Variants in MED15 observed in about 807,000 individuals in gnomAD.
The protein encoded by MED15 is mediator of RNA polymerase II transcription subunit 15.
Under a neutral mutation model 118.7 loss-of-function variants are expected in MED15, and 41 were observed. The ratio of observed to expected loss-of-function variants is 0.35; its 90% CI spans 0.27 to 0.45. MED15 has a LOEUF of 0.45. Ranked by LOEUF, MED15 falls within the 20% of genes least tolerant of loss-of-function variation. The pLI is 1.00. For missense variants in MED15, 740 were observed against 1,025.5 expected (o/e 0.72, Z 3.80); for synonymous variants, 436 against 413.9 (o/e 1.05, Z -0.65).
intron 1 of MED15, chr22:20,508,584 G>T (rs1039562794): frequency 5.2e-5 from 20 of 381,578 alleles, no homozygotes; most frequent in African/African-American, 4.0e-4. Context: ...TCTCTGGTGG[G>T]CAGGGATGGA....
intron 9 of MED15, among the ~76,000 whole-genome samples, chr22:20,576,538 C>A (rs1324905340): frequency 1.3e-5 from 2 of 152,270 alleles, no homozygotes; most frequent in Admixed American, 6.5e-5. Flanking sequence ...CCTGGGTTAC[C>A]CCAGATGTGC....
rs5844430 is a variant in MED15, at chr22:20,587,036, CAG to C, written c.*333_*334del. ...CATCTCAGCAGCGTGAGGGTGCACT[CAG>C]GGTGTTGTTAGAGCGTCTCGTGTGT... On this transcript the variant is annotated 3_prime_UTR_variant, in exon 18 of 18. Transcript: ENST00000263205. The C allele has an allele frequency of 4.2e-3, 1,686 of 397,634 alleles. 26 individuals carry two copies. Among genetic ancestry groups the C allele is most frequent in the African/African-American group, 0.029 (1,458 of 50,498 alleles). The allele number at this position is 397,634 out of a possible 1,614,324, so 24.6% of individuals were successfully genotyped here.
In MED15 at chr22:20,546,642, G is replaced by A. The variant is rs573035397; in HGVS notation, c.157-4794G>A. Among the ~76,000 whole-genome samples, 201 of 151,904 alleles carry A rather than the reference G, an allele frequency of 1.3e-3. 1 individual carries two copies. The highest frequency in any genetic ancestry group is 4.5e-3 in the African/African-American group (187 of 41,420). On this transcript the variant is annotated intron_variant, in intron 2 of 17. Coordinates refer to ENST00000263205, the MANE Select transcript of MED15 (RefSeq NM_001003891.3). ...TTCCAGTCTAAGGAGTCCCCCCAAG[G>A]GCCACAGATGGGTTCTCTTTGAGTG...
chr22:20,526,084 T>C (rs1200935466), intron 1 of MED15, among the ~76,000 whole-genome samples: 1 of 151,966 alleles, frequency 6.6e-6, no homozygotes, highest in South Asian at 2.1e-4. Context: ...TATGACTGGC[T>C]AAGTTTTTGT....
intron 5 of MED15, among the ~76,000 whole-genome samples, chr22:20,557,444 C>T (rs2056060808): frequency 1.3e-5 from 2 of 152,148 alleles, no homozygotes; most frequent in Admixed American, 6.5e-5. Flanking sequence ...CCTGGTTCTT[C>T]GTCCCAAGCT....
chr22:20,564,832 C>T, intron 6 of MED15, 144 bp downstream of exon 6: 1 of 1,410,776 alleles, frequency 7.1e-7, no homozygotes, highest in South Asian at 1.4e-5. Flanking sequence ...ATGGGCTTCT[C>T]AAAAAGTCTG....
At chr22:20,583,294 G>C (rs764941127) in intron 12 of MED15, 36 bp from the exon 13 acceptor site, 1 of 1,613,588 alleles carries the variant, frequency 6.2e-7, no homozygotes, top group Non-Finnish European at 8.5e-7. Context: ...GACACCACCA[G>C]GCTTGTGTCT....
At chr22:20,518,906 G>A (rs1268054176) in intron 1 of MED15, 1 of 452,742 alleles carries the variant, frequency 2.2e-6, no homozygotes, top group Non-Finnish European at 4.4e-6. Context: ...AGGCTGAAGT[G>A]CAGTGGCGTG....
chr22:20,552,142 C>T (rs1024988203), intron 3 of MED15, among the ~76,000 whole-genome samples: 7 of 152,294 alleles, frequency 4.6e-5, no homozygotes, highest in East Asian at 3.9e-4. Context: ...CCACAGCCTG[C>T]GAAGGAAACT....
chr22:20,584,190 G>T, intron 13 of MED15, 169 bp from the exon 14 acceptor site: 1 of 659,574 alleles, frequency 1.5e-6, no homozygotes, highest in Non-Finnish European at 2.7e-6. Context: ...GCAGCTCCTG[G>T]GGTTGAGGGC....
intron 8 of MED15, chr22:20,574,636 T>TGCTGTGA (rs2146637670): frequency 6.5e-6 from 1 of 154,252 alleles, no homozygotes; most frequent in African/African-American, 2.4e-5. Context: ...GAAGGAGGGA[T>TGCTGTGA]GCTGTGAGCA....
At chr22:20,568,705 G>A in intron 8 of MED15, 74 bp downstream of exon 8, 1 of 1,556,430 alleles carries the variant, frequency 6.4e-7, no homozygotes, top group Non-Finnish European at 8.7e-7. Context: ...GTGCTACAGT[G>A]AGGGTTCTGG....
At chr22:20,564,789 G>C (rs2056375702) in intron 6 of MED15, 101 bp downstream of exon 6, 2 of 1,560,512 alleles carry the variant, frequency 1.3e-6, no homozygotes, top group East Asian at 4.5e-5. Flanking sequence ...AGCCAGCCGA[G>C]GGTTCTCTTG....
intron 2 of MED15, among the ~76,000 whole-genome samples, chr22:20,540,273 G>T (rs1033798650): frequency 1.4e-4 from 22 of 152,328 alleles, no homozygotes; most frequent in African/African-American, 5.3e-4. Context: ...GAAGATGACA[G>T]TGTAGGCAGC....
chr22:20,551,641 A>G (rs756031725), intron 3 of MED15, 154 bp downstream of exon 3: 2 of 730,864 alleles, frequency 2.7e-6, no homozygotes, highest in Non-Finnish European at 4.8e-6. Flanking sequence ...ACTGCCTTGC[A>G]TTTGACTCCA....
rs1354178879 is a variant in MED15 at position 20,507,915 on chromosome 22, C to T, written c.68+169C>T. 11 of 1,453,268 alleles carry T rather than the reference C, an allele frequency of 7.6e-6. 1 individual carries two copies. The highest frequency in any genetic ancestry group is 4.5e-6 in the Non-Finnish European group (5 of 1,102,844). The allele number at this position is 1,453,268 out of a possible 1,614,324, so 90.0% of individuals were successfully genotyped here. A position where few individuals can be genotyped will look rare whatever the true frequency, so the allele number is the denominator to read the frequency against. Reference sequence around the variant, plus strand: ...CCCCCCCGTCTGTCCCCTCCGTTCCCGACATGGACTGCTCGTTTGCTTTCC... The same window carrying T: ...CCCCCCCGTCTGTCCCCTCCGTTCCTGACATGGACTGCTCGTTTGCTTTCC... On this transcript the variant is annotated intron_variant, in intron 1 of 17. Transcript: ENST00000263205.
intron 1 of MED15, among the ~76,000 whole-genome samples, chr22:20,535,930 T>C (rs1242710425): frequency 7.1e-6 from 1 of 141,550 alleles, no homozygotes; most frequent in East Asian, 2.1e-4. Context: ...CAGGCTGGAG[T>C]GCAGTGGCGC....
chr22:20,579,637 C>T (rs1444031996), intron 9 of MED15, among the ~76,000 whole-genome samples: 3 of 152,176 alleles, frequency 2.0e-5, no homozygotes, highest in African/African-American at 7.2e-5. Context: ...TCCTCTCTGG[C>T]CCACTCGGTG....
Position 20,575,238 on chromosome 22 carries a change from T to C in MED15, c.1272+6T>C. 1 of 1,613,042 alleles carries C rather than the reference T, an allele frequency of 6.2e-7. No homozygotes were observed. Among genetic ancestry groups the C allele is most frequent in the Non-Finnish European group, 8.5e-7 (1 of 1,179,798 alleles). Reference sequence around the variant, plus strand: ...GCAGACAGCCCATGGCACAGGTATTTACGGGGCAGCGCCCAGGGCACGGCT... The same window carrying C: ...GCAGACAGCCCATGGCACAGGTATTCACGGGGCAGCGCCCAGGGCACGGCT... On this transcript the variant is annotated splice_donor_region_variant and intron_variant, in intron 9 of 17. Transcript: ENST00000263205.
Sources: gnomAD v4.1 joint callset for allele counts (sites outside exome capture counted in the v4.1 genomes callset) on GRCh38, gnomAD v4.1.1 for gene constraint, MANE v1.5 for transcripts, NCBI Gene and HGNC (gene_info 2026-07-23, HGNC 2026-07-21) for gene names.